Variants in CSMD1 observed in about 807,000 individuals in gnomAD.
CSMD1 encodes the protein CUB and Sushi multiple domains 1, also known as CUB and sushi domain-containing protein 1.
Under a neutral mutation model 417.5 loss-of-function variants are expected in CSMD1, and 213 were observed. The observed-to-expected ratio is 0.51, with a 90% CI of 0.46 to 0.57. CSMD1 has a LOEUF of 0.57. CSMD1 is among the 20% of genes least tolerant of loss of function. CSMD1 has a pLI of 0.00. For synonymous variants in CSMD1, 2,862 were observed against 1,736.8 expected, an observed-to-expected ratio of 1.65 and a Z score of -16.11; for missense variants, 6,923 against 4,529.7, an observed-to-expected ratio of 1.53 and a Z score of -15.17.
chr8:2,967,554 C>T (rs553938304), intron 57 of CSMD1, among the ~76,000 whole-genome samples: 101 of 151,614 alleles, frequency 6.7e-4, no homozygotes, highest in Admixed American at 1.4e-3. Flanking sequence ...CTTTTTTAGT[C>T]GAGCCTATTT....
chr8:3,724,115 T>G (rs1230510419), intron 6 of CSMD1, among the ~76,000 whole-genome samples: 1 of 51,756 alleles, frequency 1.9e-5, no homozygotes, highest in Non-Finnish European at 1.0e-4. Context: ...CGAAAGCAGA[T>G]ATGAGAAACC....
In CSMD1 at chr8:3,326,245, G is replaced by C. The variant is rs190386899; in HGVS notation, c.3631+17049C>G. Among the ~76,000 whole-genome samples the C allele has an allele frequency of 6.6e-4, 100 of 152,320 alleles. 1 individual carries two copies. In the Middle Eastern group the frequency reaches 0.034, roughly 52 times the overall value. On this transcript the variant is annotated intron_variant, in intron 23 of 69. Coordinates refer to ENST00000635120, the MANE Select transcript of CSMD1 (RefSeq NM_033225.6). ...TAAAACATCATATTAAACTGTAAGA[G>C]ACTGGAATATATGCCCACCTCTACC...
At chr8:3,954,704 T>C (rs759390127) in intron 5 of CSMD1, among the ~76,000 whole-genome samples, 1 of 152,232 alleles carries the variant, frequency 6.6e-6, no homozygotes, top group Admixed American at 6.5e-5. Context: ...CCCATGATTC[T>C]TCCCTTAGGG....
chr8:4,079,054 G>A (rs1331209333), intron 3 of CSMD1, among the ~76,000 whole-genome samples: 2 of 151,462 alleles, frequency 1.3e-5, no homozygotes, highest in Non-Finnish European at 2.9e-5. Flanking sequence ...CCACAAGAGT[G>A]GTCCCGAATG....
At chr8:3,905,121 C>T (rs773288794) in intron 5 of CSMD1, among the ~76,000 whole-genome samples, 5 of 151,946 alleles carry the variant, frequency 3.3e-5, no homozygotes, top group Non-Finnish European at 5.9e-5. Context: ...TAATATTTTC[C>T]AAGAAATTCA....
At chr8:3,654,125 A>G (rs962697165) in intron 7 of CSMD1, among the ~76,000 whole-genome samples, 3 of 152,054 alleles carry the variant, frequency 2.0e-5, no homozygotes, top group African/African-American at 7.2e-5. Flanking sequence ...CAGTGTAACC[A>G]CCCCTCATCT....
At chr8:4,839,594 A>G (rs1373552300) in intron 1 of CSMD1, among the ~76,000 whole-genome samples, 1 of 152,174 alleles carries the variant, frequency 6.6e-6, no homozygotes, top group Non-Finnish European at 1.5e-5. Context: ...GAAATAACAT[A>G]GTTATTTTCT....
intron 1 of CSMD1, among the ~76,000 whole-genome samples, chr8:4,865,796 G>T (rs1012772911): frequency 2.0e-5 from 3 of 151,710 alleles, no homozygotes; most frequent in Admixed American, 1.3e-4. Flanking sequence ...GCATTGCCCA[G>T]TTTTTTAAAA....
At chr8:3,445,758 G>C (rs937825022) in intron 12 of CSMD1, among the ~76,000 whole-genome samples, 6 of 152,114 alleles carry the variant, frequency 3.9e-5, no homozygotes, top group Admixed American at 1.3e-4. Flanking sequence ...CAAGAACAAA[G>C]CCATGTAAAC....
chr8:4,707,748 G>A (rs1012425608), intron 1 of CSMD1, among the ~76,000 whole-genome samples: 6 of 151,726 alleles, frequency 4.0e-5, no homozygotes, highest in African/African-American at 1.5e-4. Flanking sequence ...TTAGCCGGGC[G>A]TCGTGGCAGG....
At chr8:3,206,203 A>T (rs1049598196) in intron 30 of CSMD1, among the ~76,000 whole-genome samples, 2 of 137,630 alleles carry the variant, frequency 1.5e-5, no homozygotes, top group African/African-American at 5.4e-5. Context: ...GGGCTTACAA[A>T]ATATAGAGAG....
intron 7 of CSMD1, among the ~76,000 whole-genome samples, chr8:3,645,294 C>G (rs1169254113): frequency 1.3e-5 from 2 of 152,202 alleles, no homozygotes; most frequent in East Asian, 3.9e-4. Flanking sequence ...ACACAATGAA[C>G]ACAAATGTGT....
chr8:4,105,255 G>A (rs760798362), intron 3 of CSMD1, among the ~76,000 whole-genome samples: 21 of 151,974 alleles, frequency 1.4e-4, no homozygotes, highest in Non-Finnish European at 2.6e-4. Context: ...ATTGATCAAC[G>A]GCCGTATTCA....
intron 4 of CSMD1, among the ~76,000 whole-genome samples, chr8:4,003,419 CAAAT>C (rs139066084): frequency 8.4e-4 from 126 of 150,212 alleles, no homozygotes; most frequent in Middle Eastern, 3.4e-3. Flanking sequence ...AAAAAACAAA[CAAAT>C]AAATAAATAA....
At chr8:4,157,592 A>G (rs1796906037) in intron 3 of CSMD1, among the ~76,000 whole-genome samples, 1 of 152,190 alleles carries the variant, frequency 6.6e-6, no homozygotes. Flanking sequence ...TCTGCCGGTC[A>G]TGTAACAAAT....
chr8:4,623,758 A>T (rs1801921782), intron 2 of CSMD1, among the ~76,000 whole-genome samples: 1 of 152,064 alleles, frequency 6.6e-6, no homozygotes, highest in African/African-American at 2.4e-5. Flanking sequence ...TATATTTCAT[A>T]TAATTTGGCA....
chr8:3,841,006 C>T (rs181147901), intron 5 of CSMD1, among the ~76,000 whole-genome samples: 5 of 152,006 alleles, frequency 3.3e-5, no homozygotes, highest in East Asian at 3.9e-4. Flanking sequence ...TGCAGCTGTC[C>T]GGTGATCTCA....
intron 7 of CSMD1, among the ~76,000 whole-genome samples, chr8:3,663,824 C>G (rs1056676724): frequency 6.6e-6 from 1 of 152,122 alleles, no homozygotes; most frequent in African/African-American, 2.4e-5. Flanking sequence ...AAACTATACT[C>G]TGACCACCGG....
chr8:4,054,367 T>A (rs1383414158), intron 3 of CSMD1, among the ~76,000 whole-genome samples: 1 of 152,102 alleles, frequency 6.6e-6, no homozygotes, highest in Non-Finnish European at 1.5e-5. Flanking sequence ...GTTGCCTTCA[T>A]CCCATATAGG....
Sources: gnomAD v4.1 joint callset for allele counts (sites outside exome capture counted in the v4.1 genomes callset) on GRCh38, gnomAD v4.1.1 for gene constraint, MANE v1.5 for transcripts, NCBI Gene and HGNC (gene_info 2026-07-23, HGNC 2026-07-21) for gene names.